MBOAT2: variants seen among roughly 807,000 people sequenced by gnomAD.
MBOAT2 encodes membrane-bound glycerophospholipid O-acyltransferase 2.
Under a neutral mutation model 63.4 loss-of-function variants are expected in MBOAT2, and 28 were observed. That is an observed-to-expected ratio of 0.44 (90% CI 0.33 to 0.61). The LOEUF is 0.61. MBOAT2 is among the 20% of genes least tolerant of loss of function. MBOAT2 has a pLI of 0.03. For synonymous variants in MBOAT2, 211 were observed against 215.6 expected (o/e 0.98, Z 0.19); for missense variants, 470 against 605.8 (o/e 0.78, Z 2.35).
At chr2:8,867,628 T>C (rs567966148) in intron 9 of MBOAT2, among the ~76,000 whole-genome samples, 1 of 152,344 alleles carries the variant, frequency 6.6e-6, no homozygotes, top group Admixed American at 6.5e-5. Flanking sequence ...TAAACCAGAT[T>C]TCTGGGCCTG....
intron 3 of MBOAT2, among the ~76,000 whole-genome samples, chr2:8,924,091 A>C (rs781521406): frequency 6.6e-6 from 1 of 152,162 alleles, no homozygotes; most frequent in African/African-American, 2.4e-5. Flanking sequence ...TTTAAATGAG[A>C]AATCGTCTCT....
intron 3 of MBOAT2, among the ~76,000 whole-genome samples, chr2:8,939,501 C>T (rs1323842552): frequency 6.6e-6 from 1 of 152,142 alleles, no homozygotes; most frequent in Non-Finnish European, 1.5e-5. Context: ...GGTTCTAGGA[C>T]AAGGAGATCA....
chr2:8,943,041 G>T, intron 3 of MBOAT2, 146 bp downstream of exon 3: 1 of 512,612 alleles, frequency 2.0e-6, no homozygotes, highest in Non-Finnish European at 3.3e-6. Context: ...GCATACCAAT[G>T]ATTTTATTTT....
In MBOAT2 at chr2:8,862,547, C is replaced by T. The variant is rs747984075; in HGVS notation, c.1185+43G>A. 4 of 1,587,668 alleles carry T rather than the reference C, an allele frequency of 2.5e-6. No homozygotes were observed. The South Asian group carries it at 4.7e-5, about 19-fold the overall frequency. On this transcript the variant is annotated intron_variant, in intron 11 of 12. Coordinates refer to ENST00000305997, the MANE Select transcript of MBOAT2 (RefSeq NM_138799.4). This position sits in a 1 kb window ranked among gnomAD's most constrained non-coding sequence, Gnocchi z 4.3. ...GATGTACTCAGCCTTTTTAACAGTT[C>T]AAGTGGACCATTGAATTGTAAAATA... is the stretch of plus-strand genomic sequence containing the variant.
intron 1 of MBOAT2, among the ~76,000 whole-genome samples, chr2:8,993,129 G>A (rs1672030683): frequency 1.3e-5 from 2 of 152,172 alleles, no homozygotes; most frequent in Admixed American, 1.3e-4. Context: ...TGCTCATAAA[G>A]CTTCTTTTTC....
intron 1 of MBOAT2, among the ~76,000 whole-genome samples, chr2:8,996,848 A>G (rs1672345441): frequency 6.6e-6 from 1 of 152,260 alleles, no homozygotes. Flanking sequence ...AATGATACGT[A>G]TAACATTAAG....
rs997548872 is a variant in MBOAT2 at position 8,932,664 on chromosome 2, T to A, written c.299+10523A>T. The stretch of plus-strand genomic sequence containing the variant: ...GTTTTGTGACCTTGATTTAATCTTC[T>A]GGAACCTCAGTGTCCCCATCTGTAC... On this transcript the variant is annotated intron_variant, in intron 3 of 12. Coordinates refer to ENST00000305997, the MANE Select transcript of MBOAT2 (RefSeq NM_138799.4). Among the ~76,000 whole-genome samples, 5 of 152,234 alleles carry A rather than the reference T, an allele frequency of 3.3e-5. No homozygotes were observed. The South Asian group carries it at 1.0e-3, about 32-fold the overall frequency.
intron 4 of MBOAT2, among the ~76,000 whole-genome samples, chr2:8,902,966 T>A (rs963280108): frequency 6.6e-6 from 1 of 152,172 alleles, no homozygotes; most frequent in African/African-American, 2.4e-5. Context: ...GACTGGTCCA[T>A]TTTACAGAGT....
rs538968389 is a variant in MBOAT2 at position 8,938,239 on chromosome 2, C to G, written c.299+4948G>C. 4.6e-5 allele frequency among the ~76,000 whole-genome samples: 7 copies of G among 152,288 alleles called. 1 individual carries two copies. In the South Asian group the frequency reaches 1.4e-3, roughly 32 times the overall value. On this transcript the variant is annotated intron_variant, in intron 3 of 12. Transcript: ENST00000305997. ...TGAAACACATATGATGCATTTGTTTCTCATTTGAGAGGACAAGAGGATTGT... is the reference window on the plus strand; with the variant it reads ...TGAAACACATATGATGCATTTGTTTGTCATTTGAGAGGACAAGAGGATTGT...
At chr2:8,918,970 C>A (rs1666383330) in intron 3 of MBOAT2, among the ~76,000 whole-genome samples, 1 of 152,164 alleles carries the variant, frequency 6.6e-6, no homozygotes, top group South Asian at 2.1e-4. Flanking sequence ...CTAGATCTGT[C>A]TTTTCTGGGA....
chr2:8,999,645 C>G lies in MBOAT2; in HGVS notation c.75+3895G>C, dbSNP rs913562089. On this transcript the variant is annotated intron_variant, in intron 1 of 12. Transcript: ENST00000305997. ...TGTTGTCTAAACAGCACACTTGGGC[C>G]TTTTCTTGGCACAGCTCTTTCTCAG... 2.6e-5 allele frequency among the ~76,000 whole-genome samples: 4 copies of G among 152,256 alleles called. No homozygotes were observed. The East Asian group carries it at 7.7e-4, about 29-fold the overall frequency.
chr2:8,888,655 GA>G (rs201861670), intron 4 of MBOAT2, among the ~76,000 whole-genome samples: 1 of 151,992 alleles, frequency 6.6e-6, no homozygotes. Context: ...ACTTAGAAAG[GA>G]AAAAACACAT....
In MBOAT2 at chr2:9,003,256, G is replaced by A. The variant is rs1175192072; in HGVS notation, c.75+284C>T. 6.6e-6 allele frequency among the ~76,000 whole-genome samples: 1 copy of A among 152,112 alleles called. No individual in the cohort carries two copies. The highest frequency in any genetic ancestry group is 2.4e-5 in the African/African-American group (1 of 41,430). On this transcript the variant is annotated intron_variant, in intron 1 of 12. Transcript: ENST00000305997. This position sits in a 1 kb window ranked among gnomAD's most constrained non-coding sequence, Gnocchi z 5.4. ...AAGGGCAGGGACCGCATGCACACCC[G>A]CACGCCCATACGACCACCCTCCCCG... is the stretch of plus-strand genomic sequence containing the variant.
At chr2:8,897,749 G>A (rs1408039133) in intron 4 of MBOAT2, among the ~76,000 whole-genome samples, 1 of 152,152 alleles carries the variant, frequency 6.6e-6, no homozygotes, top group Non-Finnish European at 1.5e-5. Context: ...GGTCATCTTG[G>A]GCGGCAAAAC....
chr2:8,858,951 T>A, intron 12 of MBOAT2, 47 bp from the exon 13 acceptor site: 1 of 1,389,144 alleles, frequency 7.2e-7, no homozygotes, highest in South Asian at 1.3e-5. Context: ...TAATTAATAA[T>A]CCTTAATAAC....
At chr2:8,964,477 T>C (rs1669847959) in intron 1 of MBOAT2, among the ~76,000 whole-genome samples, 1 of 151,484 alleles carries the variant, frequency 6.6e-6, no homozygotes, top group Non-Finnish European at 1.5e-5. Context: ...ACATATTGCA[T>C]TGCTTTGAAT....
rs571804637 is a variant in MBOAT2 at position 8,872,449 on chromosome 2, T to C, written c.883+659A>G. Among the ~76,000 whole-genome samples the C allele has an allele frequency of 2.6e-5, 4 of 152,244 alleles. No homozygotes were observed. In the East Asian group the frequency reaches 7.7e-4, roughly 29 times the overall value. Reference sequence around the variant, plus strand: ...CATGCCACCAGGCCTAGTTGATTTTTAAAAATCTTTTTGTAGAGAGAGGGG... The same window carrying C: ...CATGCCACCAGGCCTAGTTGATTTTCAAAAATCTTTTTGTAGAGAGAGGGG... On this transcript the variant is annotated intron_variant, in intron 8 of 12. Coordinates refer to ENST00000305997, the MANE Select transcript of MBOAT2 (RefSeq NM_138799.4).
At chr2:8,933,366 A>G (rs1003231986) in intron 3 of MBOAT2, among the ~76,000 whole-genome samples, 9 of 152,186 alleles carry the variant, frequency 5.9e-5, no homozygotes, top group Admixed American at 3.9e-4. Flanking sequence ...AAGAGAGGGC[A>G]GAAACAGGGT....
intron 1 of MBOAT2, among the ~76,000 whole-genome samples, chr2:8,970,749 C>A (rs1670388487): frequency 1.3e-5 from 2 of 152,162 alleles, no homozygotes; most frequent in African/African-American, 4.8e-5. Flanking sequence ...AACACCTCTA[C>A]ACAAATAAAC....
Sources: allele counts gnomAD v4.1 joint callset (sites outside exome capture counted in the v4.1 genomes callset), GRCh38; gene constraint gnomAD v4.1.1; non-coding constraint Gnocchi (gnomAD v3.1); transcripts MANE v1.5; gene names NCBI Gene and HGNC (gene_info 2026-07-23, HGNC 2026-07-21).